The following DPYSL5 variants were observed in gnomAD, a reference collection of about 807,000 sequenced individuals.
The protein encoded by DPYSL5 is dihydropyrimidinase like 5, also known as dihydropyrimidinase-related protein 5.
DPYSL5 carries 9 observed loss-of-function variants against 58.4 expected under a neutral mutation model. That is an observed-to-expected ratio of 0.15 (90% CI 0.09 to 0.27). DPYSL5 has a LOEUF of 0.27. Among genes scored for constraint, DPYSL5 ranks in the 10% least tolerant of loss-of-function variants. The pLI, the probability that DPYSL5 is intolerant of heterozygous loss-of-function variation, is 1.00. For missense variants in DPYSL5, 499 were observed against 770.6 expected (o/e 0.65, Z 4.17); for synonymous variants, 293 against 301.9 (o/e 0.97, Z 0.31).
intron 1 of DPYSL5, among the ~76,000 whole-genome samples, chr2:26,857,730 C>T (rs1665914506): frequency 6.6e-6 from 1 of 152,064 alleles, no homozygotes; most frequent in African/African-American, 2.4e-5. Flanking sequence ...AGAATTATGA[C>T]ATGTATCTTA....
intron 5 of DPYSL5, 92 bp downstream of exon 5, chr2:26,928,415 G>A: frequency 1.4e-6 from 2 of 1,416,418 alleles, no homozygotes; most frequent in Non-Finnish European, 2.0e-6. Context: ...ATACAAATTA[G>A]CCAGGCACAA....
rs577202132 is a variant in DPYSL5, at chr2:26,895,697, A to G, written c.-4-2799A>G. 5.9e-4 allele frequency among the ~76,000 whole-genome samples: 89 copies of G among 150,444 alleles called. 1 individual carries two copies. Among genetic ancestry groups the G allele is most frequent in the Non-Finnish European group, 2.4e-4 (16 of 67,666 alleles). On this transcript the variant is annotated intron_variant, in intron 1 of 12. Transcript: ENST00000288699. ...TTTAACTGAAATTTTGTATCTTTTC[A>G]CCAACATTTCCCCAACTCCCCTTTA... is the stretch of plus-strand genomic sequence containing the variant.
chr2:26,888,251 TTCTTTCTTTCTTTCTG>T (rs895727892), intron 1 of DPYSL5, among the ~76,000 whole-genome samples: 3 of 143,360 alleles, frequency 2.1e-5, no homozygotes, highest in Admixed American at 1.4e-4. Context: ...CTTTCTTTCT[TTCTTTCTTTCTTTCTG>T]TCTTTCTTTC....
intron 1 of DPYSL5, among the ~76,000 whole-genome samples, chr2:26,855,697 T>A (rs766951208): frequency 1.3e-5 from 2 of 152,174 alleles, no homozygotes; most frequent in African/African-American, 2.4e-5. Flanking sequence ...AAGCTGCCCC[T>A]TTGTTGATTT....
chr2:26,903,801 G>A (rs970757258), intron 2 of DPYSL5, among the ~76,000 whole-genome samples: 9 of 152,202 alleles, frequency 5.9e-5, no homozygotes, highest in African/African-American at 1.9e-4. Context: ...GGGGCCCAGA[G>A]CTTCTGTGCT....
chr2:26,882,830 T>C (rs1182864271), intron 1 of DPYSL5, among the ~76,000 whole-genome samples: 2 of 151,380 alleles, frequency 1.3e-5, no homozygotes, highest in East Asian at 3.9e-4. Flanking sequence ...GGAGAATCAC[T>C]TGAACCCAGG....
At chr2:26,878,413 C>T (rs7596707) in intron 1 of DPYSL5, among the ~76,000 whole-genome samples, 12,346 of 152,122 alleles carry the variant, frequency 0.081, 568 homozygotes, top group Middle Eastern at 0.19. Flanking sequence ...ATATGATACA[C>T]ACCTGTCATA....
chr2:26,855,436 A>C (rs1409747310), intron 1 of DPYSL5, among the ~76,000 whole-genome samples: 1 of 152,020 alleles, frequency 6.6e-6, no homozygotes, highest in African/African-American at 2.4e-5. Context: ...CTCAAAAAAA[A>C]AATCATCTGG....
Position 26,944,916 on chromosome 2 carries a change from C to T in DPYSL5, c.1609+92C>T, listed in dbSNP as rs3739088. The stretch of plus-strand genomic sequence containing the variant: ...ACTTACGCCTGCTTTTCTTTTGTGT[C>T]CTCTCCTCCCTCCCGTTGCCTATTT... On this transcript the variant is annotated intron_variant, in intron 12 of 12. Coordinates refer to ENST00000288699, the MANE Select transcript of DPYSL5 (RefSeq NM_020134.4). This position sits in a 1 kb window ranked among gnomAD's most constrained non-coding sequence, Gnocchi z 4.4. The T allele has an allele frequency of 0.39, 491,675 of 1,254,330 alleles. 98,487 individuals carry two copies. The highest frequency in any genetic ancestry group is 0.59 in the Admixed American group (29,091 of 49,182). 77.7% of individuals were successfully genotyped at this position (1,254,330 alleles called of 1,614,324 possible).
At chr2:26,884,934 C>A (rs1246408306) in intron 1 of DPYSL5, among the ~76,000 whole-genome samples, 1 of 152,178 alleles carries the variant, frequency 6.6e-6, no homozygotes, top group Non-Finnish European at 1.5e-5. Context: ...CATGGTGGCT[C>A]ATGCCTGTAA....
chr2:26,864,288 C>T (rs572010662), intron 1 of DPYSL5, among the ~76,000 whole-genome samples: 3 of 152,190 alleles, frequency 2.0e-5, no homozygotes, highest in African/African-American at 7.2e-5. Flanking sequence ...TTTAGCCCCA[C>T]AAGAGTGCTC....
chr2:26,944,733 G>T lies in DPYSL5; in HGVS notation c.1518G>T (p.Glu506Asp). 2 of 1,614,118 alleles carry T rather than the reference G, an allele frequency of 1.2e-6. No homozygotes were observed. The highest frequency in any genetic ancestry group is 2.2e-5 in the South Asian group (2 of 91,076). The change falls in exon 12 of 13, where the codon GAG becomes GAT. Residue 506 changes from glutamate (E) to aspartate (D), a missense_variant. Around this residue, in one of 3 missense-constraint regions of DPYSL5, gnomAD observed 62 missense variants for 59.2 expected, o/e 1.05. Transcript: ENST00000288699. This position sits in a 1 kb window ranked among gnomAD's most constrained non-coding sequence, Gnocchi z 4.4. ...VAVVVHPGKK[E>D]MGTPLADTPT... The stretch of plus-strand genomic sequence containing the variant: ...TTGTCGTGCACCCTGGGAAAAAAGA[G>T]ATGGGAACCCCACTCGCAGACACTC...
chr2:26,926,134 A>C (rs1664824862), intron 3 of DPYSL5, among the ~76,000 whole-genome samples: 1 of 152,244 alleles, frequency 6.6e-6, no homozygotes, highest in Non-Finnish European at 1.5e-5. Flanking sequence ...TCAGATGATA[A>C]CCTAAAGCCT....
At chr2:26,887,081 G>T (rs1264116436) in intron 1 of DPYSL5, among the ~76,000 whole-genome samples, 1 of 152,228 alleles carries the variant, frequency 6.6e-6, no homozygotes, top group Non-Finnish European at 1.5e-5. Flanking sequence ...GCTTGGCTTA[G>T]ATGCCACAGA....
intron 1 of DPYSL5, among the ~76,000 whole-genome samples, chr2:26,869,100 G>A (rs113429464): frequency 6.6e-5 from 10 of 152,056 alleles, no homozygotes; most frequent in Non-Finnish European, 1.0e-4. Context: ...GAGTAGCTGG[G>A]ACTATGGGTG....
At chr2:26,903,525 G>C (rs1409706189) in intron 2 of DPYSL5, among the ~76,000 whole-genome samples, 1 of 152,062 alleles carries the variant, frequency 6.6e-6, no homozygotes, top group Non-Finnish European at 1.5e-5. Flanking sequence ...GTTGACTCTA[G>C]GTCTGTGTCC....
intron 2 of DPYSL5, among the ~76,000 whole-genome samples, chr2:26,922,214 A>G (rs1473705652): frequency 6.6e-6 from 1 of 152,212 alleles, no homozygotes; most frequent in East Asian, 1.9e-4. Context: ...ATGTGTGCAT[A>G]CCAGGCTCAA....
chr2:26,935,645 T>C lies in DPYSL5; in HGVS notation c.947+911T>C, dbSNP rs537073755. Among the ~76,000 whole-genome samples, 58 of 140,662 alleles carry C rather than the reference T, an allele frequency of 4.1e-4. 1 individual carries two copies. In the East Asian group the frequency reaches 0.01, roughly 25 times the overall value. 92.3% of individuals were successfully genotyped at this position (140,662 alleles called of 152,430 possible). Reference sequence around the variant, plus strand: ...CAGAGGTTGCAGTGAGCTAGGATCATGCCACTGCACTCCAGCCTGTCCGGC... The same window carrying C: ...CAGAGGTTGCAGTGAGCTAGGATCACGCCACTGCACTCCAGCCTGTCCGGC... On this transcript the variant is annotated intron_variant, in intron 8 of 12. Coordinates refer to ENST00000288699, the MANE Select transcript of DPYSL5 (RefSeq NM_020134.4).
intron 1 of DPYSL5, among the ~76,000 whole-genome samples, chr2:26,871,046 C>T (rs190663785): frequency 2.7e-3 from 409 of 152,300 alleles, no homozygotes; most frequent in African/African-American, 9.4e-3. Flanking sequence ...GTAGCTGCCA[C>T]GCTAAACAAC....
Sources: gnomAD v4.1 joint callset for allele counts (sites outside exome capture counted in the v4.1 genomes callset) on GRCh38, gnomAD v4.1.1 for gene constraint, gnomAD v4.1.1 regional missense constraint, Gnocchi (gnomAD v3.1) non-coding constraint, MANE v1.5 for transcripts, NCBI Gene and HGNC (gene_info 2026-07-23, HGNC 2026-07-21) for gene names.